BMERB1: variants seen among roughly 807,000 people sequenced by gnomAD.
BMERB1 encodes the protein bMERB domain containing 1.
In BMERB1, 12 loss-of-function variants were observed where a neutral mutation model predicts 23.6. The ratio of observed to expected loss-of-function variants is 0.51; its 90% CI spans 0.33 to 0.82. The LOEUF (loss-of-function observed/expected upper bound fraction) is 0.82, where lower values mean the gene tolerates loss of function less well. BMERB1 is among the 40% of genes least tolerant of loss of function. The pLI, the probability that BMERB1 is intolerant of heterozygous loss-of-function variation, is 0.03. For synonymous variants in BMERB1, 122 were observed against 96.6 expected, an observed-to-expected ratio of 1.26 and a Z score of -1.54; for missense variants, 247 against 255.4, an observed-to-expected ratio of 0.97 and a Z score of 0.22.
intron 2 of BMERB1, among the ~76,000 whole-genome samples, chr16:15,517,551 T>C (rs1456613272): frequency 6.6e-6 from 1 of 151,898 alleles, no homozygotes; most frequent in Non-Finnish European, 1.5e-5. Flanking sequence ...ACATGAGTCT[T>C]GCTTTTAAGT....
intron 2 of BMERB1, among the ~76,000 whole-genome samples, chr16:15,532,525 G>C (rs2051978045): frequency 6.8e-6 from 1 of 148,088 alleles, no homozygotes; most frequent in Admixed American, 6.8e-5. Context: ...ACTATGCCCG[G>C]CCTTTTTTTT....
chr16:15,449,746 A>G (rs1464985749), intron 1 of BMERB1, among the ~76,000 whole-genome samples: 3 of 151,862 alleles, frequency 2.0e-5, no homozygotes, highest in South Asian at 2.1e-4. Flanking sequence ...AGCTTTCACC[A>G]TATTGGTCAG....
chr16:15,439,309 A>C lies in BMERB1; in HGVS notation c.106+4550A>C, dbSNP rs535487075. On this transcript the variant is annotated intron_variant, in intron 1 of 5. Transcript: ENST00000300006. ...GTGTGTCAGTTGCCTCATCTGTGAA[A>C]TGGGGATAATTGTAGTAATGCGCAC... 3.3e-5 allele frequency among the ~76,000 whole-genome samples: 5 copies of C among 152,188 alleles called. No individual in the cohort carries two copies. The South Asian group carries it at 1.0e-3, about 32-fold the overall frequency.
At chr16:15,456,921 G>T (rs2051091931) in intron 1 of BMERB1, among the ~76,000 whole-genome samples, 1 of 152,020 alleles carries the variant, frequency 6.6e-6, no homozygotes, top group Non-Finnish European at 1.5e-5. Flanking sequence ...CACCTCCTGG[G>T]TTCAAGCAAT....
At chr16:15,437,941 G>T (rs1269118048) in intron 1 of BMERB1, among the ~76,000 whole-genome samples, 3 of 151,194 alleles carry the variant, frequency 2.0e-5, no homozygotes, top group Non-Finnish European at 4.4e-5. Flanking sequence ...CTGGGTGACA[G>T]AGTGAGACTC....
At chr16:15,571,296 C>T (rs2030718114) in intron 3 of BMERB1, among the ~76,000 whole-genome samples, 1 of 152,110 alleles carries the variant, frequency 6.6e-6, no homozygotes, top group African/African-American at 2.4e-5. Flanking sequence ...AGTCCCAGGA[C>T]CCCAATTCAC....
intron 2 of BMERB1, among the ~76,000 whole-genome samples, chr16:15,555,764 C>T (rs948180853): frequency 8.5e-5 from 13 of 152,184 alleles, no homozygotes; most frequent in African/African-American, 1.2e-4. Flanking sequence ...GCCAGGGGCT[C>T]CCTGGACACT....
At chr16:15,578,357 C>T (rs966102262) in intron 3 of BMERB1, among the ~76,000 whole-genome samples, 3 of 151,986 alleles carry the variant, frequency 2.0e-5, no homozygotes, top group African/African-American at 4.8e-5. Context: ...GGCCACCATG[C>T]TTGGGTCTCT....
intron 1 of BMERB1, among the ~76,000 whole-genome samples, chr16:15,489,112 A>G (rs1281901422): frequency 6.6e-6 from 1 of 152,204 alleles, no homozygotes; most frequent in Admixed American, 6.5e-5. Context: ...ATCTGATCCT[A>G]TATCTATCTG....
chr16:15,531,993 C>T (rs923672769), intron 2 of BMERB1, among the ~76,000 whole-genome samples: 1 of 152,166 alleles, frequency 6.6e-6, no homozygotes, highest in African/African-American at 2.4e-5. Flanking sequence ...TCTACACAAC[C>T]AGATTCCCGA....
chr16:15,469,800 A>G (rs946534953), intron 1 of BMERB1, among the ~76,000 whole-genome samples: 3 of 152,200 alleles, frequency 2.0e-5, no homozygotes, highest in Non-Finnish European at 4.4e-5. Flanking sequence ...AATTATTAGT[A>G]TATATAGATG....
At chr16:15,577,723 C>A (rs1196532145) in intron 3 of BMERB1, among the ~76,000 whole-genome samples, 2 of 152,254 alleles carry the variant, frequency 1.3e-5, no homozygotes, top group Non-Finnish European at 2.9e-5. Context: ...AGGTTGTGCG[C>A]ATGCGCAGTG....
chr16:15,529,085 T>C (rs2051941031), intron 2 of BMERB1, among the ~76,000 whole-genome samples: 4 of 152,228 alleles, frequency 2.6e-5, no homozygotes, highest in South Asian at 2.1e-4. Flanking sequence ...AGTGCAGTGG[T>C]GCGATCTTGG....
chr16:15,501,767 G>A (rs953300980), intron 1 of BMERB1, among the ~76,000 whole-genome samples: 3 of 151,946 alleles, frequency 2.0e-5, no homozygotes, highest in African/African-American at 4.8e-5. Flanking sequence ...GTGAGCCACC[G>A]TGCTCTGCCA....
At chr16:15,532,884 ATGGGGT>A (rs2150960035) in intron 2 of BMERB1, 1 of 405,508 alleles carries the variant, frequency 2.5e-6, no homozygotes, top group South Asian at 1.8e-5. Context: ...CTGGTCTTGG[ATGGGGT>A]TGCTTTCTGA....
At chr16:15,488,456 G>C (rs2051386557) in intron 1 of BMERB1, among the ~76,000 whole-genome samples, 1 of 152,114 alleles carries the variant, frequency 6.6e-6, no homozygotes, top group African/African-American at 2.4e-5. Context: ...CAAGATGACT[G>C]TCTACTGCCT....
chr16:15,484,487 C>G (rs1051960390), intron 1 of BMERB1, among the ~76,000 whole-genome samples: 1 of 151,954 alleles, frequency 6.6e-6, no homozygotes, highest in African/African-American at 2.4e-5. Flanking sequence ...CTGCAAACTT[C>G]GCCTCCTGGG....
In BMERB1 at chr16:15,436,225, G is replaced by A. The variant is rs141673857; in HGVS notation, c.106+1466G>A. Among the ~76,000 whole-genome samples the A allele has an allele frequency of 5.4e-3, 806 of 150,276 alleles. 8 individuals carry two copies. The highest frequency in any genetic ancestry group is 6.8e-3 in the Middle Eastern group (2 of 292). Reference sequence around the variant, plus strand: ...TACACTCCTTTTTTAAAAAAGCCCAGCTGTGTGACTAATTATACTCTTTTA... The same window carrying A: ...TACACTCCTTTTTTAAAAAAGCCCAACTGTGTGACTAATTATACTCTTTTA... On this transcript the variant is annotated intron_variant, in intron 1 of 5. Coordinates refer to ENST00000300006, the MANE Select transcript of BMERB1 (RefSeq NM_033201.3).
chr16:15,513,786 T>C (rs113444249), intron 1 of BMERB1, among the ~76,000 whole-genome samples: 2,752 of 152,026 alleles, frequency 0.018, 87 homozygotes, highest in African/African-American at 0.064. Flanking sequence ...CCCAGCTACT[T>C]GGGAGACTGA....
Sources: allele counts gnomAD v4.1 joint callset (sites outside exome capture counted in the v4.1 genomes callset), GRCh38; gene constraint gnomAD v4.1.1; transcripts MANE v1.5; gene names NCBI Gene and HGNC (gene_info 2026-07-23, HGNC 2026-07-21).